The following CNTN4 variants were observed in gnomAD, a reference collection of about 807,000 sequenced individuals.
CNTN4 encodes the protein contactin-4.
A neutral mutation model predicts 122.5 loss-of-function variants in CNTN4; 77 were observed. That is an observed-to-expected ratio of 0.63 (90% CI 0.52 to 0.76). The LOEUF (loss-of-function observed/expected upper bound fraction) is 0.76. Ranked by LOEUF, CNTN4 falls within the 30% of genes least tolerant of loss-of-function variation. CNTN4 has a pLI of 0.00. For missense variants in CNTN4, 1,256 were observed against 1,259.1 expected, an observed-to-expected ratio of 1.00 and a Z score of 0.04; for synonymous variants, 512 against 447.0, an observed-to-expected ratio of 1.15 and a Z score of -1.83.
intron 23 of CNTN4, among the ~76,000 whole-genome samples, chr3:3,048,884 G>T (rs1307772760): frequency 2.0e-5 from 3 of 152,016 alleles, no homozygotes; most frequent in Non-Finnish European, 4.4e-5. Flanking sequence ...AAAGTTTAAG[G>T]CCCCAAATAT....
At chr3:2,373,245 C>T (rs1420966923) in intron 3 of CNTN4, among the ~76,000 whole-genome samples, 1 of 152,000 alleles carries the variant, frequency 6.6e-6, no homozygotes, top group Admixed American at 6.6e-5. Flanking sequence ...TGAGGTAGGC[C>T]CCACGTGGGT....
intron 7 of CNTN4, among the ~76,000 whole-genome samples, chr3:2,863,294 A>G (rs1237019311): frequency 6.6e-6 from 1 of 152,136 alleles, no homozygotes; most frequent in Admixed American, 6.5e-5. Flanking sequence ...TTAGGCCAAC[A>G]TGTTCTCACC....
intron 3 of CNTN4, among the ~76,000 whole-genome samples, chr3:2,444,757 G>A (rs1368791188): frequency 2.0e-5 from 3 of 151,430 alleles, no homozygotes; most frequent in African/African-American, 7.3e-5. Context: ...CTGGCTGGCT[G>A]GCTGGTCAGA....
intron 6 of CNTN4, among the ~76,000 whole-genome samples, chr3:2,793,416 C>T (rs1266660667): frequency 6.6e-6 from 1 of 152,102 alleles, no homozygotes; most frequent in Non-Finnish European, 1.5e-5. Context: ...CTTTTACCCA[C>T]AACCACTTGG....
At position 3,037,333 on chromosome 3, in the gene CNTN4, G is replaced by A. The variant is rs750202977; in HGVS notation, c.2092+5G>A. On this transcript the variant is annotated splice_donor_5th_base_variant and intron_variant, in intron 18 of 24. Coordinates refer to ENST00000418658, the MANE Select transcript of CNTN4 (RefSeq NM_175607.3). ...AACGGAGAACAGAAGAAGCTCGTGA[G>A]TAGCACCCGAGATTCAGATCATCTG... is the stretch of plus-strand genomic sequence containing the variant. The A allele has an allele frequency of 1.8e-5, 29 of 1,614,056 alleles. No individual in the cohort carries two copies. The highest frequency in any genetic ancestry group is 9.3e-6 in the Non-Finnish European group (11 of 1,180,018).
chr3:2,204,108 G>C (rs764549491), intron 2 of CNTN4, among the ~76,000 whole-genome samples: 23 of 152,150 alleles, frequency 1.5e-4, no homozygotes, highest in South Asian at 4.2e-4. Context: ...ACATGTATCT[G>C]AGTTTTTATA....
intron 13 of CNTN4, among the ~76,000 whole-genome samples, chr3:2,981,480 C>G (rs1027312749): frequency 6.6e-6 from 1 of 151,756 alleles, no homozygotes; most frequent in Non-Finnish European, 1.5e-5. Context: ...CGAGGACTCC[C>G]GTACCCTCAC....
intron 2 of CNTN4, among the ~76,000 whole-genome samples, chr3:2,269,802 C>G (rs893343096): frequency 6.6e-6 from 1 of 152,108 alleles, no homozygotes; most frequent in African/African-American, 2.4e-5. Flanking sequence ...CTCAGTAGTT[C>G]ATTGACTTTT....
intron 2 of CNTN4, among the ~76,000 whole-genome samples, chr3:2,281,112 G>C (rs1247403822): frequency 6.6e-6 from 1 of 152,106 alleles, no homozygotes; most frequent in Non-Finnish European, 1.5e-5. Context: ...TCACATAAGA[G>C]GTTTCACCTC....
intron 2 of CNTN4, among the ~76,000 whole-genome samples, chr3:2,244,683 C>G (rs988676149): frequency 2.6e-5 from 4 of 151,752 alleles, no homozygotes; most frequent in Non-Finnish European, 5.9e-5. Context: ...ATTGGACAGT[C>G]CTGGAAAGGA....
intron 3 of CNTN4, among the ~76,000 whole-genome samples, chr3:2,548,827 T>C (rs577188814): frequency 6.6e-6 from 1 of 152,324 alleles, no homozygotes; most frequent in South Asian, 2.1e-4. Context: ...GTTTTTCCTT[T>C]TGTTTGCGTC....
intron 10 of CNTN4, among the ~76,000 whole-genome samples, chr3:2,899,617 C>A (rs1288369749): frequency 6.6e-6 from 1 of 151,988 alleles, no homozygotes; most frequent in African/African-American, 2.4e-5. Flanking sequence ...GTCTTTATAT[C>A]TATTGAAAAT....
intron 7 of CNTN4, among the ~76,000 whole-genome samples, chr3:2,830,354 G>T (rs2093077676): frequency 6.6e-6 from 1 of 152,210 alleles, no homozygotes; most frequent in African/African-American, 2.4e-5. Context: ...GGCCACTGAT[G>T]TCAGAGTAAG....
At position 2,610,846 on chromosome 3, in the gene CNTN4, C is replaced by T. The variant is rs551720974; in HGVS notation, c.55+39288C>T. On this transcript the variant is annotated intron_variant, in intron 4 of 24. Coordinates refer to ENST00000418658, the MANE Select transcript of CNTN4 (RefSeq NM_175607.3). ...CGTTTTCCATTGCTAAAAAGAAATG[C>T]ACAGTTTTCCACTAGTAACTTGGGA... Among the ~76,000 whole-genome samples the T allele has an allele frequency of 5.3e-5, 8 of 152,176 alleles. No individual in the cohort carries two copies. In the South Asian group the frequency reaches 1.7e-3, roughly 32 times the overall value.
intron 3 of CNTN4, among the ~76,000 whole-genome samples, chr3:2,412,219 T>A (rs2047249561): frequency 6.6e-6 from 1 of 152,198 alleles, no homozygotes; most frequent in African/African-American, 2.4e-5. Flanking sequence ...ATCCTCCTCC[T>A]AGTGATGAAT....
At chr3:2,346,239 T>C (rs1223269886) in intron 3 of CNTN4, among the ~76,000 whole-genome samples, 1 of 152,152 alleles carries the variant, frequency 6.6e-6, no homozygotes, top group Non-Finnish European at 1.5e-5. Flanking sequence ...TTTAGTGTGC[T>C]CTGCCAAATT....
chr3:2,152,374 G>C lies in CNTN4; in HGVS notation c.-145+51735G>C, dbSNP rs2035530598. ...CCACTGTCAGGACTTCCGTTTGATTGAAACGAGGTGCCGTCTGGTAGGTAG... is the reference window on the plus strand; with the variant it reads ...CCACTGTCAGGACTTCCGTTTGATTCAAACGAGGTGCCGTCTGGTAGGTAG... On this transcript the variant is annotated intron_variant, in intron 2 of 24. Transcript: ENST00000418658. Among the ~76,000 whole-genome samples the C allele has an allele frequency of 2.0e-5, 3 of 152,130 alleles. No individual in the cohort carries two copies. In the South Asian group the frequency reaches 6.2e-4, roughly 32 times the overall value.
At chr3:3,040,367 T>C in intron 20 of CNTN4, 96 bp downstream of exon 20, 3 of 908,760 alleles carry the variant, frequency 3.3e-6, no homozygotes, top group Non-Finnish European at 5.3e-6. Flanking sequence ...ATGGTACATG[T>C]ATCTTGAAGG....
chr3:2,556,950 G>A (rs2149397169), intron 3 of CNTN4, among the ~76,000 whole-genome samples: 1 of 152,102 alleles, frequency 6.6e-6, no homozygotes, highest in East Asian at 1.9e-4. Context: ...GTAAAAGAGG[G>A]GCTGGTAGGC....
Sources: allele counts gnomAD v4.1 joint callset (sites outside exome capture counted in the v4.1 genomes callset), GRCh38; gene constraint gnomAD v4.1.1; transcripts MANE v1.5; gene names NCBI Gene and HGNC (gene_info 2026-07-23, HGNC 2026-07-21).